The following OPHN1 variants were observed in gnomAD, a reference collection of about 807,000 sequenced individuals.
OPHN1 encodes oligophrenin-1.
A neutral mutation model predicts 60.7 loss-of-function variants in OPHN1; 11 were observed. That is an observed-to-expected ratio of 0.18 (90% CI 0.11 to 0.30). OPHN1 has a LOEUF of 0.30. Ranked by LOEUF, OPHN1 falls within the 10% of genes least tolerant of loss-of-function variation. OPHN1 has a pLI of 1.00. For synonymous variants in OPHN1, 226 were observed against 222.6 expected (o/e 1.02, Z -0.14); for missense variants, 449 against 611.0 (o/e 0.73, Z 2.80).
intron 6 of OPHN1, among the ~76,000 whole-genome samples, chrX:68,219,570 A>T (rs1361950297): frequency 9.0e-6 from 1 of 110,642 alleles, no homozygotes; most frequent in Non-Finnish European, 1.9e-5. Flanking sequence ...CAGAAATTAT[A>T]ACAAACTATC....
chrX:68,225,104 T>A (rs2077683746), intron 6 of OPHN1, among the ~76,000 whole-genome samples: 1 of 111,687 alleles, frequency 9.0e-6, no homozygotes, highest in Admixed American at 9.5e-5. Context: ...GGTCCCAAGC[T>A]CACGGAGCCT....
intron 2 of OPHN1, among the ~76,000 whole-genome samples, chrX:68,372,694 G>A (rs984796346): frequency 1.8e-5 from 2 of 110,535 alleles, no homozygotes; most frequent in African/African-American, 6.6e-5. Context: ...CATTTGTTTT[G>A]CCACATCTGG....
intron 2 of OPHN1, among the ~76,000 whole-genome samples, chrX:68,390,520 G>C (rs2078648365): frequency 9.0e-6 from 1 of 111,594 alleles, no homozygotes; most frequent in African/African-American, 3.3e-5. Context: ...GATCACTTGA[G>C]CCCAGGAGGT....
chrX:68,069,156 G>A (rs1432565583), intron 20 of OPHN1, among the ~76,000 whole-genome samples: 1 of 111,912 alleles, frequency 8.9e-6, no homozygotes, highest in Non-Finnish European at 1.9e-5. Context: ...CCACAGAGGG[G>A]CAAATTGAGG....
At chrX:68,195,544 A>C (rs1017484281) in intron 12 of OPHN1, among the ~76,000 whole-genome samples, 1 of 112,009 alleles carries the variant, frequency 8.9e-6, no homozygotes, top group African/African-American at 3.2e-5. Flanking sequence ...GTTGGAGTAG[A>C]CATTCCTTCA....
intron 15 of OPHN1, among the ~76,000 whole-genome samples, chrX:68,190,028 T>C: frequency 9.1e-6 from 1 of 109,389 alleles, no homozygotes; most frequent in Non-Finnish European, 1.9e-5. Flanking sequence ...AGGCAATGGA[T>C]GTTCACCCTC....
chrX:68,317,587 AAGAG>A lies in OPHN1; in HGVS notation c.155-18495_155-18492del, dbSNP rs756950031. Among the ~76,000 whole-genome samples, 378 of 93,872 alleles carry A rather than the reference AAGAG, an allele frequency of 4.0e-3. 4 individuals carry two copies. Among genetic ancestry groups the A allele is most frequent in the Non-Finnish European group, 6.7e-3 (335 of 49,688 alleles). The allele number at this position is 93,872 out of a possible 115,157, so 81.5% of individuals were successfully genotyped here. The stretch of plus-strand genomic sequence containing the variant: ...AGAAAGAAAGAAAGAGAAAGAAAGA[AAGAG>A]AGAGAAAGAAAAAAGAAAGGAGGGA... On this transcript the variant is annotated intron_variant, in intron 2 of 24. Coordinates refer to ENST00000355520, the MANE Select transcript of OPHN1 (RefSeq NM_002547.3).
In OPHN1 at chrX:68,305,436, T is replaced by C. The variant is rs1299447755; in HGVS notation, c.155-6340A>G. 4.5e-5 allele frequency among the ~76,000 whole-genome samples: 5 copies of C among 112,234 alleles called. No individual in the cohort carries two copies. In the East Asian group the frequency reaches 1.1e-3, roughly 25 times the overall value. ...ATGGGGGCTTTGAAAAGTTGCAATG[T>C]AAAATCTAGAAAGACATGGGTCATA... On this transcript the variant is annotated intron_variant, in intron 2 of 24. Coordinates refer to ENST00000355520, the MANE Select transcript of OPHN1 (RefSeq NM_002547.3).
chrX:68,335,792 G>A (rs1348650091), intron 2 of OPHN1, among the ~76,000 whole-genome samples: 1 of 111,005 alleles, frequency 9.0e-6, no homozygotes, highest in Non-Finnish European at 1.9e-5. Flanking sequence ...AGCTGGGCAC[G>A]GGTGGCGTGC....
chrX:68,175,165 A>T (rs757264738), intron 15 of OPHN1, among the ~76,000 whole-genome samples: 1 of 111,512 alleles, frequency 9.0e-6, no homozygotes, highest in East Asian at 2.8e-4. Flanking sequence ...CCCTACAGAG[A>T]GTAGATATAA....
At chrX:68,082,574 G>A (rs2076977900) in intron 19 of OPHN1, among the ~76,000 whole-genome samples, 1 of 112,648 alleles carries the variant, frequency 8.9e-6, no homozygotes, top group South Asian at 3.7e-4. Flanking sequence ...TATTTTGAAA[G>A]AGAGCTTTTC....
intron 2 of OPHN1, among the ~76,000 whole-genome samples, chrX:68,381,553 C>T (rs2078596838): frequency 8.9e-6 from 1 of 111,736 alleles, no homozygotes; most frequent in Non-Finnish European, 1.9e-5. Flanking sequence ...CAACATACTT[C>T]CTGGCATTCC....
chrX:68,206,972 C>T (rs1360584736), intron 9 of OPHN1, among the ~76,000 whole-genome samples: 1 of 111,066 alleles, frequency 9.0e-6, no homozygotes, highest in African/African-American at 3.3e-5. Flanking sequence ...TTGTCATTTA[C>T]TTTGCTGTCT....
rs1293591698 is a variant in OPHN1 at position 68,046,081 on chromosome X, G to A, written c.*1091C>T. On this transcript the variant is annotated 3_prime_UTR_variant, in exon 25 of 25. Coordinates refer to ENST00000355520, the MANE Select transcript of OPHN1 (RefSeq NM_002547.3). ...AGTGCTGTGGTTCTTGACTTTTTTGGGTCACGAGCCCATTTGAAATTTAGC... is the reference window on the plus strand; with the variant it reads ...AGTGCTGTGGTTCTTGACTTTTTTGAGTCACGAGCCCATTTGAAATTTAGC... 1 of 111,619 alleles carries A rather than the reference G, an allele frequency of 9.0e-6. No individual in the cohort carries two copies. Among genetic ancestry groups the A allele is most frequent in the Non-Finnish European group, 1.9e-5 (1 of 53,107 alleles). 9.2% of individuals were successfully genotyped at this position (111,619 alleles called of 1,213,427 possible).
At chrX:68,412,674 T>C (rs1042265319) in intron 2 of OPHN1, among the ~76,000 whole-genome samples, 2 of 111,680 alleles carry the variant, frequency 1.8e-5, no homozygotes, top group Non-Finnish European at 3.8e-5. Flanking sequence ...TTTAAAACAA[T>C]TAAAAATTAT....
At chrX:68,168,560 T>C (rs1466526158) in intron 15 of OPHN1, among the ~76,000 whole-genome samples, 1 of 110,527 alleles carries the variant, frequency 9.0e-6, no homozygotes, top group East Asian at 2.8e-4. Flanking sequence ...AGGAAAGATC[T>C]AAAATTGACA....
intron 2 of OPHN1, among the ~76,000 whole-genome samples, chrX:68,317,175 C>G (rs749338149): frequency 9.4e-6 from 1 of 106,391 alleles, no homozygotes; most frequent in South Asian, 4.3e-4. Flanking sequence ...TAATGCATGC[C>G]TGTAATCCCA....
At chrX:68,069,480 G>C (rs1013838189) in intron 20 of OPHN1, among the ~76,000 whole-genome samples, 5 of 111,476 alleles carry the variant, frequency 4.5e-5, no homozygotes, top group Non-Finnish European at 5.6e-5. Context: ...CTCTGTCAAA[G>C]AGTTGATCCC....
chrX:68,222,199 C>T (rs1343032819), intron 6 of OPHN1, among the ~76,000 whole-genome samples: 2 of 108,929 alleles, frequency 1.8e-5, no homozygotes, highest in African/African-American at 6.8e-5. Flanking sequence ...CACTGGCCAT[C>T]AGAGAAATGC....
Sources: allele counts gnomAD v4.1 joint callset (sites outside exome capture counted in the v4.1 genomes callset), GRCh38; gene constraint gnomAD v4.1.1; transcripts MANE v1.5; gene names NCBI Gene and HGNC (gene_info 2026-07-23, HGNC 2026-07-21).